The following FILIP1 variants were observed in gnomAD, a reference collection of about 807,000 sequenced individuals.
FILIP1 encodes filamin-A-interacting protein 1.
FILIP1 carries 61 observed loss-of-function variants against 102.1 expected under a neutral mutation model. The observed-to-expected ratio is 0.60, with a 90% CI of 0.49 to 0.74. The LOEUF is 0.74. FILIP1 is among the 30% of genes least tolerant of loss of function. The probability of loss-of-function intolerance (pLI) is 0.00; values close to 1 mark genes in which losing one functional copy is unlikely to be tolerated. For synonymous variants in FILIP1, 491 were observed against 526.9 expected, an observed-to-expected ratio of 0.93 and a Z score of 0.93; for missense variants, 1,314 against 1,441.2, an observed-to-expected ratio of 0.91 and a Z score of 1.43.
At chr6:75,450,626 A>G (rs1315439890) in intron 1 of FILIP1, among the ~76,000 whole-genome samples, 2 of 150,672 alleles carry the variant, frequency 1.3e-5, no homozygotes, top group East Asian at 3.9e-4. Context: ...CCTGGGGAAC[A>G]GAATAAGAAC....
At chr6:75,424,130 C>T (rs964301171) in intron 1 of FILIP1, among the ~76,000 whole-genome samples, 7 of 152,132 alleles carry the variant, frequency 4.6e-5, no homozygotes, top group African/African-American at 1.4e-4. Context: ...ATATGGCCAG[C>T]ACCTGGGAAA....
At chr6:75,380,881 A>G (rs761813112) in intron 2 of FILIP1, among the ~76,000 whole-genome samples, 1 of 152,204 alleles carries the variant, frequency 6.6e-6, no homozygotes, top group Admixed American at 6.5e-5. Context: ...AATAGCCACA[A>G]TCATTCTTTT....
intron 1 of FILIP1, among the ~76,000 whole-genome samples, chr6:75,469,749 T>C (rs188563999): frequency 2.6e-5 from 4 of 152,168 alleles, no homozygotes; most frequent in African/African-American, 7.2e-5. Context: ...ATACAAAATA[T>C]AGCTTTTTAA....
At chr6:75,442,598 A>T (rs1778303485) in intron 1 of FILIP1, among the ~76,000 whole-genome samples, 2 of 152,224 alleles carry the variant, frequency 1.3e-5, no homozygotes, top group Non-Finnish European at 2.9e-5. Context: ...CCAAAAAAAT[A>T]CGAAAACCAG....
intron 2 of FILIP1, among the ~76,000 whole-genome samples, chr6:75,395,770 C>T (rs545118237): frequency 6.6e-6 from 1 of 152,236 alleles, no homozygotes; most frequent in East Asian, 1.9e-4. Flanking sequence ...TGTAGTGACA[C>T]TTTATCAAAA....
intron 1 of FILIP1, among the ~76,000 whole-genome samples, chr6:75,488,336 G>A (rs952217555): frequency 2.0e-5 from 3 of 151,978 alleles, no homozygotes; most frequent in African/African-American, 7.3e-5. Context: ...ACAACGGGCT[G>A]CCTGGTCTTT....
At chr6:75,406,982 A>G (rs1191995487) in intron 2 of FILIP1, among the ~76,000 whole-genome samples, 1 of 152,116 alleles carries the variant, frequency 6.6e-6, no homozygotes, top group Non-Finnish European at 1.5e-5. Flanking sequence ...TAAATATTGT[A>G]AGATCAATCC....
intron 1 of FILIP1, among the ~76,000 whole-genome samples, chr6:75,434,711 T>C (rs2998389): frequency 0.7 from 106,376 of 152,176 alleles, 38,024 homozygotes; most frequent in African/African-American, 0.86. Flanking sequence ...CTGGCCAGAA[T>C]TTCCAACACT....
chr6:75,441,740 G>T, intron 1 of FILIP1, among the ~76,000 whole-genome samples: 1 of 143,314 alleles, frequency 7.0e-6, no homozygotes, highest in Non-Finnish European at 1.5e-5. Flanking sequence ...CGGACGGGGC[G>T]GCTGGCCGGG....
At position 75,312,662 on chromosome 6, in the gene FILIP1, G is replaced by A; in HGVS notation, c.3170C>T (p.Ala1057Val). ...PTPVRKYNSN[A>V]NIITTEDNKI... ...ATTGTCCTCTGTGGTTATGATATTG[G>A]CATTGGAGTTGTATTTCCGTACTGG... Residue 1057 changes from alanine (A) to valine (V), a missense_variant, in exon 5 of 6, where the codon GCC (alanine) becomes GTC (valine). By Grantham distance (64) the Ala-to-Val change is moderately conservative. Coordinates refer to ENST00000237172, the MANE Select transcript of FILIP1 (RefSeq NM_015687.5). 6.2e-7 allele frequency: 1 copy of A among 1,614,150 alleles called. No homozygotes were observed. The highest frequency in any genetic ancestry group is 1.7e-5 in the Admixed American group (1 of 60,024).
intron 1 of FILIP1, among the ~76,000 whole-genome samples, chr6:75,430,882 C>T (rs1777801187): frequency 6.6e-6 from 1 of 152,188 alleles, no homozygotes; most frequent in Admixed American, 6.6e-5. Flanking sequence ...AAGCTCTTTG[C>T]AGGCCAAGGC....
chr6:75,416,482 A>T (rs1356211440), intron 1 of FILIP1, among the ~76,000 whole-genome samples: 4 of 151,994 alleles, frequency 2.6e-5, no homozygotes, highest in African/African-American at 9.7e-5. Context: ...GTCAACAAAG[A>T]ATAGAAGTTT....
chr6:75,338,760 A>G (rs533900781), intron 4 of FILIP1, among the ~76,000 whole-genome samples: 1 of 152,360 alleles, frequency 6.6e-6, no homozygotes, highest in Non-Finnish European at 1.5e-5. Flanking sequence ...AATCTCACTT[A>G]TCACTTTTTC....
intron 3 of FILIP1, among the ~76,000 whole-genome samples, chr6:75,359,313 C>T (rs1023099128): frequency 2.6e-5 from 4 of 152,098 alleles, no homozygotes; most frequent in African/African-American, 9.7e-5. Context: ...GTGATATTGC[C>T]AATATCACTG....
chr6:75,440,958 A>G (rs1778191760), intron 1 of FILIP1, among the ~76,000 whole-genome samples: 1 of 152,146 alleles, frequency 6.6e-6, no homozygotes, highest in East Asian at 1.9e-4. Context: ...AAAAAAAAAA[A>G]AAAAGGTATG....
At chr6:75,292,807 G>A (rs1772575643) in exon 7 of FILIP1, 1 of 152,042 alleles carries the variant, frequency 6.6e-6, no homozygotes, top group Admixed American at 6.6e-5. Context: ...TCATTTCCAG[G>A]AAAACTCAAC....
intron 4 of FILIP1, among the ~76,000 whole-genome samples, chr6:75,331,481 T>C (rs1424978278): frequency 6.6e-6 from 1 of 152,216 alleles, no homozygotes; most frequent in East Asian, 1.9e-4. Flanking sequence ...TATTAGGGGA[T>C]AGGAATAAAA....
At chr6:75,471,040 G>A (rs141287389) in intron 1 of FILIP1, among the ~76,000 whole-genome samples, 1,879 of 151,278 alleles carry the variant, frequency 0.012, 37 homozygotes, top group African/African-American at 0.043. Flanking sequence ...AACACCTGTA[G>A]TCCCAGCTAC....
intron 1 of FILIP1, among the ~76,000 whole-genome samples, chr6:75,425,911 G>A (rs994686847): frequency 6.6e-6 from 1 of 151,858 alleles, no homozygotes; most frequent in African/African-American, 2.4e-5. Context: ...GTAGCACCAG[G>A]GACAAAACTA....
Sources: gnomAD v4.1 joint callset for allele counts (sites outside exome capture counted in the v4.1 genomes callset) on GRCh38, gnomAD v4.1.1 for gene constraint, MANE v1.5 for transcripts, NCBI Gene and HGNC (gene_info 2026-07-23, HGNC 2026-07-21) for gene names.